Variants in TTC7B observed in about 807,000 individuals in gnomAD.
TTC7B encodes the protein tetratricopeptide repeat protein 7B.
TTC7B carries 28 observed loss-of-function variants against 106.8 expected under a neutral mutation model. The observed-to-expected ratio is 0.26, with a 90% CI of 0.19 to 0.36. TTC7B has a LOEUF of 0.36. Among genes scored for constraint, TTC7B ranks in the 10% least tolerant of loss-of-function variants. The pLI, the probability that TTC7B is intolerant of heterozygous loss-of-function variation, is 1.00. For missense variants in TTC7B, 862 were observed against 1,076.4 expected (o/e 0.80, Z 2.79); for synonymous variants, 405 against 430.6 (o/e 0.94, Z 0.74).
At chr14:90,562,605 C>A (rs1890636813) in intron 19 of TTC7B, among the ~76,000 whole-genome samples, 1 of 152,258 alleles carries the variant, frequency 6.6e-6, no homozygotes, top group Non-Finnish European at 1.5e-5. Flanking sequence ...TTTTCTGTAT[C>A]TGCTTCATCT....
At chr14:90,582,066 T>G (rs577720462) in intron 18 of TTC7B, among the ~76,000 whole-genome samples, 2 of 152,328 alleles carry the variant, frequency 1.3e-5, no homozygotes, top group South Asian at 2.1e-4. Flanking sequence ...TCCCTCCGTT[T>G]TCAGCTCAAA....
chr14:90,653,213 G>A (rs939877161), intron 12 of TTC7B, among the ~76,000 whole-genome samples: 2 of 152,214 alleles, frequency 1.3e-5, no homozygotes, highest in African/African-American at 2.4e-5. Flanking sequence ...GAAGGAGCAC[G>A]ACTGCCCTCT....
At chr14:90,771,183 A>G (rs912282987) in intron 3 of TTC7B, among the ~76,000 whole-genome samples, 2 of 152,194 alleles carry the variant, frequency 1.3e-5, no homozygotes, top group Non-Finnish European at 2.9e-5. Flanking sequence ...AATAATGAAG[A>G]TGGGAAATTT....
chr14:90,697,756 C>T (rs1348283770), intron 5 of TTC7B: 3 of 152,182 alleles, frequency 2.0e-5, no homozygotes, highest in Admixed American at 6.5e-5. Context: ...CATGCAGGAC[C>T]GAGGCCCTCT....
chr14:90,701,390 A>T (rs1024022835), intron 5 of TTC7B, among the ~76,000 whole-genome samples: 7 of 152,254 alleles, frequency 4.6e-5, no homozygotes, highest in African/African-American at 1.7e-4. Flanking sequence ...CCAGACACAT[A>T]AAGTCAAAGA....
At chr14:90,560,655 C>T (rs986562938) in intron 19 of TTC7B, among the ~76,000 whole-genome samples, 5 of 152,232 alleles carry the variant, frequency 3.3e-5, no homozygotes, top group African/African-American at 1.2e-4. Flanking sequence ...GCTCTGTCTC[C>T]TCCCATTCAG....
chr14:90,531,717 T>A lies in TTC7B; in HGVS notation c.*9651A>T, dbSNP rs1341420722. On this transcript the variant is annotated 3_prime_UTR_variant, in exon 20 of 20. Transcript: ENST00000328459. The stretch of plus-strand genomic sequence containing the variant: ...CCAGTGCAGACAGGCACAGTCCAGA[T>A]CCAAAGGACAAGCTGGCTCAAGATT... 1 of 149,562 alleles carries A rather than the reference T, an allele frequency of 6.7e-6. No individual in the cohort carries two copies. The highest frequency in any genetic ancestry group is 2.5e-5 in the African/African-American group (1 of 40,756). 9.3% of individuals were successfully genotyped at this position (149,562 alleles called of 1,614,324 possible).
chr14:90,712,266 A>C (rs1352140387), intron 5 of TTC7B, among the ~76,000 whole-genome samples: 1 of 152,210 alleles, frequency 6.6e-6, no homozygotes, highest in African/African-American at 2.4e-5. Flanking sequence ...ACTTTTATTC[A>C]ACATTGTACT....
chr14:90,739,150 A>G (rs1889662356), intron 4 of TTC7B, among the ~76,000 whole-genome samples: 1 of 152,204 alleles, frequency 6.6e-6, no homozygotes, highest in African/African-American at 2.4e-5. Flanking sequence ...CCAGGCTCCC[A>G]GATAAAGGGC....
intron 5 of TTC7B, among the ~76,000 whole-genome samples, chr14:90,728,245 C>A (rs979890059): frequency 6.7e-6 from 1 of 148,962 alleles, no homozygotes; most frequent in African/African-American, 2.5e-5. Flanking sequence ...TGCCGGTAAT[C>A]CTAACACTTA....
At chr14:90,714,400 C>T (rs1044475190) in intron 5 of TTC7B, among the ~76,000 whole-genome samples, 2 of 151,540 alleles carry the variant, frequency 1.3e-5, no homozygotes, top group South Asian at 2.1e-4. Context: ...AGGAACTTTT[C>T]GAGCTAAAGG....
At chr14:90,566,504 G>T (rs1387484192) in intron 19 of TTC7B, among the ~76,000 whole-genome samples, 3 of 152,112 alleles carry the variant, frequency 2.0e-5, no homozygotes, top group Non-Finnish European at 2.9e-5. Context: ...AGCCCTTGGG[G>T]TGACTGACTA....
chr14:90,571,327 G>A (rs1891026172), intron 19 of TTC7B, among the ~76,000 whole-genome samples: 1 of 152,194 alleles, frequency 6.6e-6, no homozygotes, highest in Non-Finnish European at 1.5e-5. Context: ...AAGATGAAGT[G>A]TCCAGTAGGA....
rs181911614 is a variant in TTC7B at position 90,608,018 on chromosome 14, T to C, written c.1966+2724A>G. Among the ~76,000 whole-genome samples the C allele has an allele frequency of 1.3e-3, 198 of 152,334 alleles. 1 individual carries two copies. The highest frequency in any genetic ancestry group is 4.5e-3 in the African/African-American group (186 of 41,582). ...GAATTAGTTTTTAGCTTTTGAATTA[T>C]GTAAATGTATTTCCTCTTCAAATCA... On this transcript the variant is annotated intron_variant, in intron 17 of 19. Transcript: ENST00000328459. This position sits in a 1 kb window ranked among gnomAD's most constrained non-coding sequence, Gnocchi z 5.1.
intron 17 of TTC7B, among the ~76,000 whole-genome samples, chr14:90,607,324 T>C (rs58349341): frequency 0.057 from 8,623 of 152,274 alleles, 765 homozygotes; most frequent in African/African-American, 0.19. Flanking sequence ...ACTGTGGCTG[T>C]GGCTGTGGCT....
At chr14:90,612,398 C>T (rs1241169242) in intron 16 of TTC7B, among the ~76,000 whole-genome samples, 1 of 152,180 alleles carries the variant, frequency 6.6e-6, no homozygotes, top group African/African-American at 2.4e-5. Flanking sequence ...TGCCCCTCCA[C>T]TTAGGAGTTT....
intron 16 of TTC7B, among the ~76,000 whole-genome samples, chr14:90,616,831 A>T (rs568611958): frequency 6.6e-6 from 1 of 152,064 alleles, no homozygotes; most frequent in Non-Finnish European, 1.5e-5. Context: ...CTTCGTACTC[A>T]TTTATATTTT....
chr14:90,688,396 G>A (rs2401908), intron 7 of TTC7B, among the ~76,000 whole-genome samples: 131,898 of 152,062 alleles, frequency 0.87, 57,404 homozygotes, highest in East Asian at 1. Context: ...AGGACAAGGC[G>A]GGTGGATCAT....
At chr14:90,815,019 G>A (rs1432025720) in intron 1 of TTC7B, among the ~76,000 whole-genome samples, 1 of 152,068 alleles carries the variant, frequency 6.6e-6, no homozygotes, top group African/African-American at 2.4e-5. Flanking sequence ...CCTCCAGGAG[G>A]ACACCTGACA....
Sources: allele counts gnomAD v4.1 joint callset (sites outside exome capture counted in the v4.1 genomes callset), GRCh38; gene constraint gnomAD v4.1.1; non-coding constraint Gnocchi (gnomAD v3.1); transcripts MANE v1.5; gene names NCBI Gene and HGNC (gene_info 2026-07-23, HGNC 2026-07-21).